PRTG: variants seen among roughly 807,000 people sequenced by gnomAD.
PRTG encodes immunoglobulin superfamily, DCC subclass, member 5.
In PRTG, 67 loss-of-function variants were observed where a neutral mutation model predicts 122.5. The observed-to-expected ratio is 0.55, with a 90% CI of 0.45 to 0.67. The LOEUF (loss-of-function observed/expected upper bound fraction) is 0.67. Among genes scored for constraint, PRTG ranks in the 30% least tolerant of loss-of-function variants. The pLI is 0.00. For missense variants in PRTG, 1,435 were observed against 1,415.4 expected (o/e 1.01, Z -0.22); for synonymous variants, 554 against 501.1 (o/e 1.11, Z -1.41).
chr15:55,658,336 G>A (rs2059391661), intron 11 of PRTG, among the ~76,000 whole-genome samples: 1 of 149,344 alleles, frequency 6.7e-6, no homozygotes, highest in South Asian at 2.1e-4. Context: ...TTTTTTTTGA[G>A]ATGAAGTCTT....
Position 55,627,055 on chromosome 15 carries a change from G to A in PRTG, c.2880C>T (p.Thr960=), listed in dbSNP as rs2059198957. The change falls in exon 17 of 20, where the codon ACC becomes ACT. Residue 960 remains threonine, a synonymous_variant. Coordinates refer to ENST00000389286, the MANE Select transcript of PRTG (RefSeq NM_173814.6). ...GIAVGVGIAL[T]CILICVLILI... The stretch of plus-strand genomic sequence containing the variant: ...AGATGAGAACACAGATGAGGATGCA[G>A]GTCAAGGCTATGCCAACACCTACAG... 6.2e-7 allele frequency: 1 copy of A among 1,612,912 alleles called. No homozygotes were observed. Among genetic ancestry groups the A allele is most frequent in the East Asian group, 2.2e-5 (1 of 44,766 alleles).
At chr15:55,729,593 AAAT>A (rs2031158918) in intron 2 of PRTG, among the ~76,000 whole-genome samples, 1 of 151,374 alleles carries the variant, frequency 6.6e-6, no homozygotes, top group African/African-American at 2.4e-5. Context: ...CGGGGAAAAA[AAAT>A]AAAATAAAAT....
At position 55,624,473 on chromosome 15, in the gene PRTG, T is replaced by C; in HGVS notation, c.2962A>G (p.Thr988Ala). 1 of 1,613,802 alleles carries C rather than the reference T, an allele frequency of 6.2e-7. No homozygotes were observed. Among genetic ancestry groups the C allele is most frequent in the Non-Finnish European group, 8.5e-7 (1 of 1,179,870 alleles). The change falls in exon 18 of 20, where the codon ACT becomes GCT. Residue 988 changes from threonine to alanine, a missense_variant. Transcript: ENST00000389286. Reference sequence around the variant, plus strand: ...GCACTGGTACGAGGTAACTGTTGAGTTCCATTCTGTGCCGTCTTGGAAGCA... The same window carrying C: ...GCACTGGTACGAGGTAACTGTTGAGCTCCATTCTGTGCCGTCTTGGAAGCA... ...SSASKTAQNG[T>A]QQLPRTSASL... is the part of the protein sequence containing the mutation.
At chr15:55,715,026 A>C (rs1360928295) in intron 2 of PRTG, among the ~76,000 whole-genome samples, 4 of 152,240 alleles carry the variant, frequency 2.6e-5, no homozygotes, top group Non-Finnish European at 4.4e-5. Flanking sequence ...TTCTTTATTC[A>C]AACAAAAATA....
intron 15 of PRTG, among the ~76,000 whole-genome samples, chr15:55,635,858 G>C (rs941619650): frequency 1.3e-5 from 2 of 152,122 alleles, no homozygotes; most frequent in Non-Finnish European, 2.9e-5. Flanking sequence ...ATAGAATATA[G>C]TGTATAGGTG....
At chr15:55,644,358 G>C (rs1263546292) in intron 11 of PRTG, among the ~76,000 whole-genome samples, 1 of 152,038 alleles carries the variant, frequency 6.6e-6, no homozygotes, top group Non-Finnish European at 1.5e-5. Flanking sequence ...AGTGTAGGTG[G>C]AGAGATAATC....
intron 2 of PRTG, among the ~76,000 whole-genome samples, chr15:55,734,312 ACT>A (rs1282166669): frequency 6.6e-6 from 1 of 152,156 alleles, no homozygotes; most frequent in African/African-American, 2.4e-5. Context: ...TAAAAGGGTG[ACT>A]CTGGAGGATT....
At chr15:55,668,800 T>C (rs1247855373) in intron 11 of PRTG, among the ~76,000 whole-genome samples, 1 of 152,172 alleles carries the variant, frequency 6.6e-6, no homozygotes, top group East Asian at 1.9e-4. Flanking sequence ...CAATAATCTT[T>C]TTAGCTACTT....
chr15:55,658,681 G>T (rs373934939), intron 11 of PRTG, among the ~76,000 whole-genome samples: 2 of 152,082 alleles, frequency 1.3e-5, no homozygotes, highest in Non-Finnish European at 2.9e-5. Context: ...TATGCATATT[G>T]TAAGTCCCCT....
chr15:55,724,575 A>C (rs1295190070), intron 2 of PRTG, among the ~76,000 whole-genome samples: 4 of 151,468 alleles, frequency 2.6e-5, no homozygotes, highest in African/African-American at 7.3e-5. Flanking sequence ...ACACAGCAAA[A>C]CCCTGTCTCT....
At chr15:55,630,943 T>A (rs1183470902) in intron 15 of PRTG, among the ~76,000 whole-genome samples, 1 of 152,140 alleles carries the variant, frequency 6.6e-6, no homozygotes, top group Non-Finnish European at 1.5e-5. Flanking sequence ...AGGTACCTAC[T>A]CCAGTGCACT....
In PRTG at chr15:55,740,562, A is replaced by G. The variant is rs1240040679; in HGVS notation, c.217T>C (p.Leu73=). The stretch of plus-strand genomic sequence containing the variant: ...TCAGACATTTTTGCTCCATTTTTCA[A>G]CCATGTGACCTTAATAGGAACTTCT... ...HGEVPIKVTW[L]KNGAKMSENK... Residue 73 remains leucine (L), a synonymous_variant, in exon 2 of 20, where the codon TTG becomes CTG. Transcript: ENST00000389286. 6.2e-7 allele frequency: 1 copy of G among 1,613,980 alleles called. No individual in the cohort carries two copies. Among genetic ancestry groups the G allele is most frequent in the African/African-American group, 1.3e-5 (1 of 74,916 alleles).
At chr15:55,625,669 G>A (rs1234259853) in intron 17 of PRTG, among the ~76,000 whole-genome samples, 2 of 150,586 alleles carry the variant, frequency 1.3e-5, no homozygotes, top group Non-Finnish European at 3.0e-5. Context: ...TGTCGCCCAG[G>A]CTGGAGTGCA....
chr15:55,632,446 C>G (rs902170472), intron 15 of PRTG, among the ~76,000 whole-genome samples: 1 of 152,210 alleles, frequency 6.6e-6, no homozygotes, highest in Non-Finnish European at 1.5e-5. Flanking sequence ...CAAAGCAATC[C>G]TTTCTCAACG....
rs1040274680 is a variant in PRTG at position 55,643,684 on chromosome 15, G to A, written c.2042-2476C>T. Among the ~76,000 whole-genome samples the A allele has an allele frequency of 8.6e-5, 13 of 151,986 alleles. No individual in the cohort carries two copies. The East Asian group carries it at 1.7e-3, about 20-fold the overall frequency. On this transcript the variant is annotated intron_variant, in intron 11 of 19. Coordinates refer to ENST00000389286, the MANE Select transcript of PRTG (RefSeq NM_173814.6). Reference sequence around the variant, plus strand: ...AGCTATCTGCCCGCCTTGGCCTCCCGAAGTGCTGGGATTACAGGAATGAGC... The same window carrying A: ...AGCTATCTGCCCGCCTTGGCCTCCCAAAGTGCTGGGATTACAGGAATGAGC...
At chr15:55,631,294 T>C (rs558512901) in intron 15 of PRTG, among the ~76,000 whole-genome samples, 1 of 152,214 alleles carries the variant, frequency 6.6e-6, no homozygotes, top group African/African-American at 2.4e-5. Context: ...AACATTTCCA[T>C]GTCTTCACAA....
chr15:55,680,598 G>GT lies in PRTG; in HGVS notation c.706dup (p.Thr236AsnfsTer37). 6.4e-7 allele frequency: 1 copy of GT among 1,567,924 alleles called. No homozygotes were observed. Among genetic ancestry groups the GT allele is most frequent in the Non-Finnish European group, 8.7e-7 (1 of 1,154,904 alleles). On this transcript the variant is annotated frameshift_variant, in exon 5 of 20. Coordinates refer to ENST00000389286, the MANE Select transcript of PRTG (RefSeq NM_173814.6). LOFTEE classifies it high-confidence loss of function. ...TATGTTCTGTGGACCTGCTATAATT[G>GT]TTGGTGTGTGGAAGGATTTTGACTC... is the stretch of plus-strand genomic sequence containing the variant.
At chr15:55,672,317 T>C in intron 11 of PRTG, 128 bp downstream of exon 11, 1 of 763,016 alleles carries the variant, frequency 1.3e-6, no homozygotes. Flanking sequence ...ATATACACAC[T>C]GACATAGTAA....
chr15:55,707,204 G>A (rs1339551262), intron 2 of PRTG, among the ~76,000 whole-genome samples: 5 of 152,152 alleles, frequency 3.3e-5, no homozygotes, highest in Admixed American at 2.0e-4. Flanking sequence ...ATTGAGAATT[G>A]TGTTTTACAG....
Sources: allele counts gnomAD v4.1 joint callset (sites outside exome capture counted in the v4.1 genomes callset), GRCh38; gene constraint gnomAD v4.1.1; transcripts MANE v1.5; gene names NCBI Gene and HGNC (gene_info 2026-07-23, HGNC 2026-07-21).